The following KCNC2 variants were observed in gnomAD, a reference collection of about 807,000 sequenced individuals.
The protein encoded by KCNC2 is potassium voltage-gated channel subfamily C member 2, also known as voltage-gated potassium channel KCNC2.
In KCNC2, 21 loss-of-function variants were observed where a neutral mutation model predicts 44.5. The ratio of observed to expected loss-of-function variants is 0.47; its 90% confidence interval spans 0.33 to 0.68. The LOEUF (loss-of-function observed/expected upper bound fraction) is 0.68, where lower values mean the gene tolerates loss of function less well. KCNC2 is among the 30% of genes least tolerant of loss of function. The pLI, the probability that KCNC2 is intolerant of heterozygous loss-of-function variation, is 0.01. For missense variants in KCNC2, 589 were observed against 826.2 expected, an observed-to-expected ratio of 0.71 and a Z score of 3.52; for synonymous variants, 391 against 339.1, an observed-to-expected ratio of 1.15 and a Z score of -1.68.
At chr12:75,186,076 T>TAAAC (rs1354976541) in intron 2 of KCNC2, among the ~76,000 whole-genome samples, 1 of 136,186 alleles carries the variant, frequency 7.3e-6, no homozygotes, top group African/African-American at 2.6e-5. Context: ...AATAAATAAA[T>TAAAC]AAATAAATAA....
chr12:75,044,703 T>A (rs1295807492), intron 4 of KCNC2: 1 of 151,906 alleles, frequency 6.6e-6, no homozygotes, highest in African/African-American at 2.4e-5. Flanking sequence ...AACATTCCCC[T>A]CCCCTCACAA....
chr12:75,072,608 G>T (rs540441565), intron 2 of KCNC2, among the ~76,000 whole-genome samples: 1 of 151,684 alleles, frequency 6.6e-6, no homozygotes, highest in African/African-American at 2.4e-5. Flanking sequence ...TAGAAAAAAA[G>T]AAAAAGAAAA....
intron 2 of KCNC2, among the ~76,000 whole-genome samples, chr12:75,068,386 G>A (rs961219547): frequency 6.6e-6 from 1 of 152,170 alleles, no homozygotes; most frequent in African/African-American, 2.4e-5. Context: ...GAGAAGACAA[G>A]GGCAAGAGTC....
chr12:75,086,681 A>AAATATATATATATATATATAT (rs1206456289), intron 2 of KCNC2, among the ~76,000 whole-genome samples: 11 of 54,200 alleles, frequency 2.0e-4, no homozygotes, highest in East Asian at 1.6e-3. Context: ...AAAAAAAAAA[A>AAATATATATATATATATATAT]ATATATATAT....
chr12:75,182,243 T>G (rs2471651), intron 2 of KCNC2, among the ~76,000 whole-genome samples: 1 of 151,564 alleles, frequency 6.6e-6, no homozygotes, highest in Admixed American at 6.6e-5. Context: ...GCACTGACTA[T>G]GGCCGGGGGT....
At chr12:75,200,689 C>T (rs763874248) in intron 2 of KCNC2, among the ~76,000 whole-genome samples, 2 of 150,234 alleles carry the variant, frequency 1.3e-5, no homozygotes, top group Non-Finnish European at 1.5e-5. Flanking sequence ...TATACATACA[C>T]ATTCATTTTA....
intron 2 of KCNC2, among the ~76,000 whole-genome samples, chr12:75,076,581 CTTTA>C (rs1420910101): frequency 6.6e-6 from 1 of 152,096 alleles, no homozygotes; most frequent in Non-Finnish European, 1.5e-5. Context: ...CTCAGAACCT[CTTTA>C]TATAGTCAGT....
intron 1 of KCNC2, 89 bp from the exon 2 acceptor site, chr12:75,208,091 G>A: frequency 1.3e-6 from 2 of 1,502,640 alleles, no homozygotes; most frequent in Non-Finnish European, 1.8e-6. Flanking sequence ...AGCGAGTCCA[G>A]GGATGCAGAG....
At chr12:75,158,853 G>T (rs1890931759) in intron 2 of KCNC2, among the ~76,000 whole-genome samples, 1 of 151,790 alleles carries the variant, frequency 6.6e-6, no homozygotes, top group Non-Finnish European at 1.5e-5. Context: ...TCAAGTTATA[G>T]AGTCAATACT....
chr12:75,119,992 A>G (rs12424549), intron 2 of KCNC2, among the ~76,000 whole-genome samples: 9,249 of 152,300 alleles, frequency 0.061, 410 homozygotes, highest in Middle Eastern at 0.15. Context: ...TCAAAGAGTT[A>G]TCATGCTCTG....
At position 75,172,250 on chromosome 12, in the gene KCNC2, C is replaced by T. The variant is rs138104673; in HGVS notation, c.687+35047G>A. On this transcript the variant is annotated intron_variant, in intron 2 of 4. Transcript: ENST00000549446. The stretch of plus-strand genomic sequence containing the variant: ...CAGAAAACCAAAGACAGCATGTTTT[C>T]ACTTATAAGTGGGAGCTGAATGATG... 5.6e-3 allele frequency among the ~76,000 whole-genome samples: 844 copies of T among 151,858 alleles called. 5 individuals are homozygous for T. The highest frequency in any genetic ancestry group is 0.02 in the African/African-American group (817 of 41,464).
intron 2 of KCNC2, among the ~76,000 whole-genome samples, chr12:75,085,391 A>C (rs1884914688): frequency 6.6e-6 from 1 of 152,106 alleles, no homozygotes; most frequent in Non-Finnish European, 1.5e-5. Flanking sequence ...AATTATAATA[A>C]TGGCAACAGT....
At chr12:75,203,850 T>A (rs2031484309) in intron 2 of KCNC2, among the ~76,000 whole-genome samples, 1 of 151,932 alleles carries the variant, frequency 6.6e-6, no homozygotes, top group South Asian at 2.1e-4. Context: ...ATTTTGTCCT[T>A]ATGTGATTTT....
chr12:75,075,202 A>T (rs1412250902), intron 2 of KCNC2, among the ~76,000 whole-genome samples: 2 of 152,132 alleles, frequency 1.3e-5, no homozygotes, highest in Admixed American at 1.3e-4. Flanking sequence ...ATTCTATTAA[A>T]ATGTGAAATA....
intron 2 of KCNC2, among the ~76,000 whole-genome samples, chr12:75,112,727 A>G (rs1887349914): frequency 6.6e-6 from 1 of 152,080 alleles, no homozygotes; most frequent in African/African-American, 2.4e-5. Context: ...GTAACAAGCC[A>G]TCAAAATACA....
chr12:75,076,042 C>T (rs1258215992), intron 2 of KCNC2, among the ~76,000 whole-genome samples: 1 of 92,132 alleles, frequency 1.1e-5, no homozygotes, highest in Admixed American at 1.1e-4. Context: ...GTTACATACA[C>T]ACACACACAC....
intron 2 of KCNC2, among the ~76,000 whole-genome samples, chr12:75,114,259 C>T (rs746377947): frequency 2.0e-5 from 3 of 152,118 alleles, no homozygotes; most frequent in Admixed American, 6.5e-5. Flanking sequence ...TATCGCTAAA[C>T]AAAAAATATC....
intron 2 of KCNC2, among the ~76,000 whole-genome samples, chr12:75,055,304 C>T (rs1881620471): frequency 7.1e-6 from 1 of 141,384 alleles, no homozygotes; most frequent in Non-Finnish European, 1.5e-5. Context: ...ATAAATCAAA[C>T]AATGAAAAAT....
chr12:75,141,472 T>C (rs1285725005), intron 2 of KCNC2, among the ~76,000 whole-genome samples: 1 of 152,208 alleles, frequency 6.6e-6, no homozygotes, highest in African/African-American at 2.4e-5. Context: ...TTTTAAATAC[T>C]ATGTGCTGGC....
Sources: allele counts gnomAD v4.1 joint callset (sites outside exome capture counted in the v4.1 genomes callset), GRCh38; gene constraint gnomAD v4.1.1; transcripts MANE v1.5; gene names NCBI Gene and HGNC (gene_info 2026-07-23, HGNC 2026-07-21).